The following CMSS1 variants were observed in gnomAD, a reference collection of about 807,000 sequenced individuals.
CMSS1 encodes the protein cms1 ribosomal small subunit homolog, also known as protein CMSS1.
A neutral mutation model predicts 43.5 loss-of-function variants in CMSS1; 33 were observed. The ratio of observed to expected loss-of-function variants is 0.76; its 90% CI spans 0.57 to 1.01. The LOEUF is 1.01. Among genes scored for constraint, CMSS1 ranks in the 50% least tolerant of loss-of-function variants. The pLI, the probability that CMSS1 is intolerant of heterozygous loss-of-function variation, is 0.00. For synonymous variants in CMSS1, 115 were observed against 117.2 expected, an observed-to-expected ratio of 0.98 and a Z score of 0.12; for missense variants, 313 against 326.4, an observed-to-expected ratio of 0.96 and a Z score of 0.32.
intron 1 of CMSS1, among the ~76,000 whole-genome samples, chr3:100,029,849 A>C (rs2064993999): frequency 1.3e-5 from 2 of 152,196 alleles, no homozygotes; most frequent in Non-Finnish European, 2.9e-5. Context: ...ACATTCTAGG[A>C]GATGTCAACA....
At chr3:99,899,945 G>A (rs141601656) in intron 1 of CMSS1, among the ~76,000 whole-genome samples, 43 of 152,250 alleles carry the variant, frequency 2.8e-4, no homozygotes, top group African/African-American at 1.0e-3. Flanking sequence ...CATTCCTAAG[G>A]TGCTAAATAC....
chr3:100,005,679 C>T (rs1178677625), intron 1 of CMSS1, among the ~76,000 whole-genome samples: 1 of 152,164 alleles, frequency 6.6e-6, no homozygotes, highest in Non-Finnish European at 1.5e-5. Context: ...CTCTTTGAAA[C>T]TCTTAGAGAA....
chr3:99,824,445 C>G (rs1435905644), intron 1 of CMSS1, among the ~76,000 whole-genome samples: 3 of 152,196 alleles, frequency 2.0e-5, no homozygotes, highest in Non-Finnish European at 4.4e-5. Context: ...TGTAAGAGCT[C>G]CATGTGAGCA....
Position 99,994,362 on chromosome 3 carries a change from A to C in CMSS1, c.65-152611A>C, listed in dbSNP as rs573439454. 3.3e-5 allele frequency among the ~76,000 whole-genome samples: 5 copies of C among 152,348 alleles called. No individual in the cohort carries two copies. In the South Asian group the frequency reaches 1.0e-3, roughly 32 times the overall value. ...AAAGTAACAAAGAAATATTGGACTTAAATTGGACTTTAAACCAAATGGACT... is the reference window on the plus strand; with the variant it reads ...AAAGTAACAAAGAAATATTGGACTTCAATTGGACTTTAAACCAAATGGACT... On this transcript the variant is annotated intron_variant, in intron 1 of 9. Coordinates refer to ENST00000421999, the MANE Select transcript of CMSS1 (RefSeq NM_032359.4).
At chr3:99,990,024 T>C (rs1709466152) in intron 1 of CMSS1, among the ~76,000 whole-genome samples, 2 of 152,076 alleles carry the variant, frequency 1.3e-5, no homozygotes, top group Non-Finnish European at 2.9e-5. Flanking sequence ...GAAGTATGAG[T>C]CTTTAAATCC....
At chr3:100,072,407 G>A (rs77069386) in intron 1 of CMSS1, among the ~76,000 whole-genome samples, 1,550 of 152,314 alleles carry the variant, frequency 0.01, 33 homozygotes, top group African/African-American at 0.035. Flanking sequence ...TCAAGTAACA[G>A]AGTTGTCTCT....
intron 1 of CMSS1, among the ~76,000 whole-genome samples, chr3:99,827,679 A>G (rs1942560748): frequency 6.6e-6 from 1 of 151,820 alleles, no homozygotes; most frequent in South Asian, 2.1e-4. Context: ...ATCTCGGCTC[A>G]CTGCAACCTC....
At chr3:100,169,339 G>A (rs1022711036) in intron 6 of CMSS1, among the ~76,000 whole-genome samples, 3 of 152,232 alleles carry the variant, frequency 2.0e-5, no homozygotes, top group Non-Finnish European at 2.9e-5. Context: ...TTTCAGAGAA[G>A]AGCCGTGAGA....
At chr3:99,832,266 T>A (rs1942696670) in intron 1 of CMSS1, among the ~76,000 whole-genome samples, 1 of 149,900 alleles carries the variant, frequency 6.7e-6, no homozygotes, top group Non-Finnish European at 1.5e-5. Context: ...AGTCTCGCTG[T>A]ATCACCCAGA....
intron 1 of CMSS1, among the ~76,000 whole-genome samples, chr3:99,917,487 A>G (rs1194803548): frequency 2.0e-5 from 3 of 152,192 alleles, no homozygotes; most frequent in African/African-American, 7.2e-5. Context: ...GCAACTATTT[A>G]GCTGGAAGAT....
At chr3:99,971,994 G>A (rs1708836819) in intron 1 of CMSS1, among the ~76,000 whole-genome samples, 1 of 152,186 alleles carries the variant, frequency 6.6e-6, no homozygotes, top group Non-Finnish European at 1.5e-5. Context: ...ACACTGACAT[G>A]GAGTATAGTC....
At chr3:99,895,315 A>G (rs1413280014) in intron 1 of CMSS1, among the ~76,000 whole-genome samples, 2 of 151,930 alleles carry the variant, frequency 1.3e-5, no homozygotes, top group African/African-American at 2.4e-5. Context: ...TAAAGAATGA[A>G]TCATAATCCA....
chr3:100,173,618 G>A (rs2067127349), intron 8 of CMSS1, among the ~76,000 whole-genome samples: 1 of 152,190 alleles, frequency 6.6e-6, no homozygotes. Flanking sequence ...TAGTTATGCT[G>A]GCCTGAATCT....
At chr3:100,160,171 A>G (rs1442265268) in intron 2 of CMSS1, among the ~76,000 whole-genome samples, 1 of 152,124 alleles carries the variant, frequency 6.6e-6, no homozygotes, top group Non-Finnish European at 1.5e-5. Context: ...AAGCACACAT[A>G]TACACTCACT....
chr3:100,041,869 A>T (rs1410260811), intron 1 of CMSS1, among the ~76,000 whole-genome samples: 1 of 150,834 alleles, frequency 6.6e-6, no homozygotes. Context: ...TCACATGCTG[A>T]CCCCAACTAC....
At chr3:100,053,797 A>G (rs1234746910) in intron 1 of CMSS1, among the ~76,000 whole-genome samples, 4 of 152,192 alleles carry the variant, frequency 2.6e-5, no homozygotes, top group African/African-American at 9.7e-5. Context: ...TAACTAATCA[A>G]TTCTTTAGTG....
At chr3:100,114,988 A>G in intron 1 of CMSS1, 2 of 1,525,472 alleles carry the variant, frequency 1.3e-6, no homozygotes, top group Non-Finnish European at 1.8e-6. Flanking sequence ...GCAACATCGG[A>G]ATGCATGGTG....
At chr3:100,140,954 T>C (rs989645729) in intron 1 of CMSS1, among the ~76,000 whole-genome samples, 17 of 152,220 alleles carry the variant, frequency 1.1e-4, no homozygotes, top group African/African-American at 4.1e-4. Context: ...TTCAGTCATA[T>C]ACAGTGCACC....
chr3:100,078,933 T>C (rs2065892210), intron 1 of CMSS1, among the ~76,000 whole-genome samples: 1 of 151,990 alleles, frequency 6.6e-6, no homozygotes, highest in Non-Finnish European at 1.5e-5. Flanking sequence ...TCATAATATT[T>C]TAAGAAAGTT....
Sources: allele counts gnomAD v4.1 joint callset (sites outside exome capture counted in the v4.1 genomes callset), GRCh38; gene constraint gnomAD v4.1.1; transcripts MANE v1.5; gene names NCBI Gene and HGNC (gene_info 2026-07-23, HGNC 2026-07-21).